CENPF: variants seen among roughly 807,000 people sequenced by gnomAD.
The protein encoded by CENPF is centromere protein F.
CENPF carries 214 observed loss-of-function variants against 307.3 expected under a neutral mutation model. The ratio of observed to expected loss-of-function variants is 0.70; its 90% CI spans 0.62 to 0.78. The LOEUF is 0.78. Ranked by LOEUF, CENPF falls within the 30% of genes least tolerant of loss-of-function variation. The probability of loss-of-function intolerance (pLI) is 0.00; values close to 1 mark genes in which losing one functional copy is unlikely to be tolerated. For missense variants in CENPF, 3,401 were observed against 3,483.9 expected, an observed-to-expected ratio of 0.98 and a Z score of 0.60; for synonymous variants, 1,259 against 1,270.6, an observed-to-expected ratio of 0.99 and a Z score of 0.19.
At position 214,613,923 on chromosome 1, in the gene CENPF, C is replaced by T. The variant is rs759340190; in HGVS notation, c.162+7C>T. The T allele has an allele frequency of 3.1e-6, 5 of 1,603,092 alleles. No individual in the cohort carries two copies. The highest frequency in any genetic ancestry group is 4.2e-6 in the Non-Finnish European group (5 of 1,176,656). On this transcript the variant is annotated splice_region_variant and intron_variant, in intron 2 of 19. Coordinates refer to ENST00000366955, the MANE Select transcript of CENPF (RefSeq NM_016343.4). ...GCAGAAGCAAAAACAGAAGGTACCC[C>T]TGAAGCTCTGGTATTTGTAGCTGTT...
In CENPF at chr1:214,641,840, A is replaced by C. The variant is rs761872340; in HGVS notation, c.3502A>C (p.Asn1168His). Residue 1168 changes from asparagine (N) to histidine (H), a missense_variant, in exon 12 of 20, where the codon AAT (asparagine) becomes CAT (histidine). By Grantham distance (68) the Asn-to-His change is moderately conservative (BLOSUM62 1). Transcript: ENST00000366955. The stretch of plus-strand genomic sequence containing the variant: ...AATGAAGACTAAACATGAATGTCAA[A>C]ATCTAGAATCAGAACCAATTAGGAA... ...KVMKTKHECQNLESEPIRNSV... is the reference protein window; with the variant it reads ...KVMKTKHECQHLESEPIRNSV... 1.2e-6 allele frequency: 2 copies of C among 1,609,108 alleles called. No homozygotes were observed. The highest frequency in any genetic ancestry group is 4.5e-5 in the East Asian group (2 of 44,842).
rs201030011 is a variant in CENPF, at chr1:214,645,241, G to A, written c.5671G>A (p.Asp1891Asn). Residue 1891 changes from aspartate (D) to asparagine (N), a missense_variant, in exon 13 of 20, where the codon GAC becomes AAC. Transcript: ENST00000366955. ...DIGDNVAKVN[D>N]SWKERFLDVE... is the part of the protein sequence containing the mutation. ...TGGAGATAATGTGGCCAAGGTGAATGACAGCTGGAAGGAGAGATTTCTTGA... is the reference window on the plus strand; with the variant it reads ...TGGAGATAATGTGGCCAAGGTGAATAACAGCTGGAAGGAGAGATTTCTTGA... 1.2e-6 allele frequency: 2 copies of A among 1,614,102 alleles called. No homozygotes were observed. Among genetic ancestry groups the A allele is most frequent in the Admixed American group, 3.3e-5 (2 of 60,000 alleles).
At position 214,651,669 on chromosome 1, in the gene CENPF, A is replaced by G. The variant is rs369907703; in HGVS notation, c.7984-41A>G. The G allele has an allele frequency of 3.5e-6, 5 of 1,420,450 alleles. No individual in the cohort carries two copies. In the African/African-American group the frequency reaches 7.2e-5, roughly 20 times the overall value. The allele number at this position is 1,420,450 out of a possible 1,614,324, so 88.0% of individuals were successfully genotyped here. A position where few individuals can be genotyped will look rare whatever the true frequency, so the allele number is the denominator to read the frequency against. ...TAAAAATATTTCCAGGTTCTTAATT[A>G]TGAGGAGGTGCTATTATGATTTTAT... On this transcript the variant is annotated intron_variant, in intron 14 of 19. Transcript: ENST00000366955.
At chr1:214,637,733 T>G in intron 10 of CENPF, 133 bp from the exon 11 acceptor site, 1 of 839,708 alleles carries the variant, frequency 1.2e-6, no homozygotes, top group East Asian at 2.9e-5. Flanking sequence ...CATTAGGTAC[T>G]CAAACGGGGA....
Position 214,642,053 on chromosome 1 carries a change from C to A in CENPF, c.3715C>A (p.Gln1239Lys). ...KEKECLQHELQTIRGDLETSN... is the reference protein window; with the variant it reads ...KEKECLQHELKTIRGDLETSN... ...GAAGGAGTGCCTGCAGCATGAATTA[C>A]AGACAATTAGAGGAGATCTTGAAAC... Residue 1239 changes from glutamine to lysine, a missense_variant, in exon 12 of 20, where the codon CAG becomes AAG. Gln to Lys is a moderately conservative substitution (Grantham distance 53). Transcript: ENST00000366955. The A allele has an allele frequency of 1.2e-6, 2 of 1,610,482 alleles. No homozygotes were observed. Among genetic ancestry groups the A allele is most frequent in the South Asian group, 2.2e-5 (2 of 90,130 alleles).
chr1:214,638,997 G>A (rs558529833), intron 11 of CENPF, among the ~76,000 whole-genome samples: 1 of 152,302 alleles, frequency 6.6e-6, no homozygotes, highest in South Asian at 2.1e-4. Flanking sequence ...TGAAGCCCTT[G>A]TGGTGCTGTC....
At chr1:214,627,913 G>T (rs969573048) in intron 7 of CENPF, among the ~76,000 whole-genome samples, 1 of 152,164 alleles carries the variant, frequency 6.6e-6, no homozygotes, top group Non-Finnish European at 1.5e-5. Flanking sequence ...AATCAATACC[G>T]TGTTCTTAAG....
rs139190120 is a variant in CENPF at position 214,630,638 on chromosome 1, C to T, written c.1299C>T (p.Asn433=). Residue 433 remains asparagine (N), a synonymous_variant, in exon 9 of 20, where the codon AAC becomes AAT. Transcript: ENST00000366955. Reference sequence around the variant, plus strand: ...TACAGCAAGCCAAGAATATGCACAACGTCCTGCAGGCTGAACTGGATAAAG... The same window carrying T: ...TACAGCAAGCCAAGAATATGCACAATGTCCTGCAGGCTGAACTGGATAAAG... ...QELQQAKNMH[N]VLQAELDKLT... 51 of 1,614,020 alleles carry T rather than the reference C, an allele frequency of 3.2e-5. No homozygotes were observed. The highest frequency in any genetic ancestry group is 6.6e-5 in the South Asian group (6 of 91,062).
chr1:214,610,479 AT>A (rs200567669), intron 1 of CENPF, among the ~76,000 whole-genome samples: 16,671 of 130,318 alleles, frequency 0.13, 1,265 homozygotes, highest in African/African-American at 0.24. Context: ...AGCCACATGT[AT>A]TTTTTTTTTT....
intron 1 of CENPF, chr1:214,608,788 C>T (rs1657113056): frequency 1.9e-6 from 3 of 1,600,038 alleles, no homozygotes; most frequent in African/African-American, 1.3e-5. Flanking sequence ...GCGGCCGGGG[C>T]AGGGCGGGCA....
At chr1:214,653,067 C>A in intron 16 of CENPF, 78 bp downstream of exon 16, 1 of 1,310,350 alleles carries the variant, frequency 7.6e-7, no homozygotes, top group Non-Finnish European at 1.1e-6. Context: ...TAGCATTAAA[C>A]GTTTTCATTT....
chr1:214,626,950 A>G (rs1657671217), intron 7 of CENPF, among the ~76,000 whole-genome samples: 1 of 152,210 alleles, frequency 6.6e-6, no homozygotes, highest in Admixed American at 6.5e-5. Context: ...AGTTCACCAA[A>G]TCCTTGTTCT....
intron 7 of CENPF, among the ~76,000 whole-genome samples, chr1:214,624,245 T>C (rs1011737531): frequency 6.6e-6 from 1 of 152,128 alleles, no homozygotes; most frequent in South Asian, 2.1e-4. Flanking sequence ...TTTCTTTTTT[T>C]CCCCTGCCAT....
chr1:214,660,084 G>A (rs567136403), intron 19 of CENPF, among the ~76,000 whole-genome samples: 1 of 152,216 alleles, frequency 6.6e-6, no homozygotes, highest in East Asian at 1.9e-4. Context: ...GGTTACACGT[G>A]GGCGATCTAA....
intron 1 of CENPF, chr1:214,605,655 C>T (rs760316366): frequency 1.0e-5 from 16 of 1,557,602 alleles, no homozygotes; most frequent in South Asian, 3.4e-5. Flanking sequence ...TTGCTGAGGT[C>T]TGGCCGGTTG....
At chr1:214,628,859 C>CT (rs987370811) in intron 7 of CENPF, among the ~76,000 whole-genome samples, 187 bp from the exon 8 acceptor site, 8 of 151,986 alleles carry the variant, frequency 5.3e-5, no homozygotes, top group African/African-American at 1.9e-4. Flanking sequence ...ACATGCCGAT[C>CT]TTTTTTTTCA....
In CENPF at chr1:214,647,138, A is replaced by T; in HGVS notation, c.7568A>T (p.Glu2523Val). The T allele has an allele frequency of 1.2e-6, 2 of 1,614,052 alleles. No individual in the cohort carries two copies. Among genetic ancestry groups the T allele is most frequent in the Non-Finnish European group, 8.5e-7 (1 of 1,179,968 alleles). Reference protein sequence around the residue: ...GKQKLEKKDEEISRLKNQIQD... With the variant: ...GKQKLEKKDEVISRLKNQIQD... ...CAGAAACTGGAGAAGAAGGATGAAG[A>T]AATCAGTAGACTGAAAAATCAAATT... The change falls in exon 13 of 20, where the codon GAA becomes GTA. Residue 2523 changes from glutamate (E) to valine (V), a missense_variant. Physicochemically the swap from Glu to Val is moderately radical, Grantham distance 121. Transcript: ENST00000366955.
At chr1:214,651,336 T>A (rs1341205682) in intron 14 of CENPF, among the ~76,000 whole-genome samples, 2 of 152,098 alleles carry the variant, frequency 1.3e-5, no homozygotes, top group Admixed American at 1.3e-4. Context: ...CGGAGGGGAT[T>A]TGGTGTGAAG....
In CENPF at chr1:214,641,518, C is replaced by T. The variant is rs367811235; in HGVS notation, c.3180C>T (p.Cys1060=). 22 of 1,520,148 alleles carry T rather than the reference C, an allele frequency of 1.4e-5. No homozygotes were observed. The African/African-American group carries it at 2.9e-4, about 20-fold the overall frequency. The allele number at this position is 1,520,148 out of a possible 1,614,324, so 94.2% of individuals were successfully genotyped here. A position where few individuals can be genotyped will look rare whatever the true frequency, so the allele number is the denominator to read the frequency against. ...NSKLECLLNE[C]TSLCENRKNE... Reference sequence around the variant, plus strand: ...AATTAGAATGCTTGCTAAATGAATGCACTAGTCTTTGTGAAAATAGGAAAA... The same window carrying T: ...AATTAGAATGCTTGCTAAATGAATGTACTAGTCTTTGTGAAAATAGGAAAA... The change falls in exon 12 of 20, where the codon TGC becomes TGT. Residue 1060 remains cysteine, a synonymous_variant. Transcript: ENST00000366955.
Sources: allele counts gnomAD v4.1 joint callset (sites outside exome capture counted in the v4.1 genomes callset), GRCh38; gene constraint gnomAD v4.1.1; transcripts MANE v1.5; gene names NCBI Gene and HGNC (gene_info 2026-07-23, HGNC 2026-07-21).